Variants in CADPS2 observed in about 807,000 individuals in gnomAD.
CADPS2 encodes calcium dependent secretion activator 2, also known as calcium-dependent secretion activator 2.
In CADPS2, 93 loss-of-function variants were observed where a neutral mutation model predicts 172.5. That is an observed-to-expected ratio of 0.54 (90% CI 0.46 to 0.64). The LOEUF is 0.64. CADPS2 is among the 30% of genes least tolerant of loss of function. The pLI is 0.00. For synonymous variants in CADPS2, 546 were observed against 555.2 expected, an observed-to-expected ratio of 0.98 and a Z score of 0.23; for missense variants, 1,420 against 1,565.9, an observed-to-expected ratio of 0.91 and a Z score of 1.57.
intron 22 of CADPS2, among the ~76,000 whole-genome samples, chr7:122,391,299 C>T (rs1168957593): frequency 1.3e-5 from 2 of 151,908 alleles, no homozygotes; most frequent in Admixed American, 1.3e-4. Flanking sequence ...TACAAAGCCC[C>T]AATTTGTCAT....
chr7:122,869,483 C>A (rs1294857075), intron 1 of CADPS2, among the ~76,000 whole-genome samples: 1 of 151,898 alleles, frequency 6.6e-6, no homozygotes, highest in East Asian at 1.9e-4. Flanking sequence ...ACCCAGCAAA[C>A]CTGTCCTTCA....
At chr7:122,849,525 A>T (rs1452481377) in intron 1 of CADPS2, among the ~76,000 whole-genome samples, 2 of 152,208 alleles carry the variant, frequency 1.3e-5, no homozygotes, top group Admixed American at 1.3e-4. Context: ...TGCGGTCCCC[A>T]GCTGTCCGCA....
At chr7:122,644,007 T>C (rs541236872) in intron 3 of CADPS2, among the ~76,000 whole-genome samples, 22 of 151,862 alleles carry the variant, frequency 1.4e-4, no homozygotes, top group Non-Finnish European at 2.6e-4. Flanking sequence ...GAGGCGGAGA[T>C]TGCAGTGAGC....
chr7:122,645,391 G>GTATA (rs1435451978), intron 3 of CADPS2, among the ~76,000 whole-genome samples: 8 of 63,560 alleles, frequency 1.3e-4, no homozygotes, highest in Non-Finnish European at 2.4e-4. Context: ...GTACATGTGT[G>GTATA]TGTATATATG....
intron 7 of CADPS2, among the ~76,000 whole-genome samples, chr7:122,565,372 CAAAT>C (rs1400238861): frequency 1.3e-5 from 2 of 151,924 alleles, no homozygotes; most frequent in Non-Finnish European, 2.9e-5. Context: ...CTCAAAAAAT[CAAAT>C]AAATTCAGAA....
At chr7:122,599,664 C>G (rs191029034) in intron 6 of CADPS2, among the ~76,000 whole-genome samples, 1 of 152,004 alleles carries the variant, frequency 6.6e-6, no homozygotes, top group African/African-American at 2.4e-5. Flanking sequence ...TTTTGTCAAC[C>G]GTAGAATTTA....
chr7:122,554,615 C>G lies in CADPS2; in HGVS notation c.1410G>C (p.Gln470His), dbSNP rs1251512188. 6.2e-7 allele frequency: 1 copy of G among 1,611,806 alleles called. No individual in the cohort carries two copies. Among genetic ancestry groups the G allele is most frequent in the East Asian group, 2.2e-5 (1 of 44,678 alleles). Residue 470 changes from glutamine to histidine, a missense_variant, in exon 8 of 30, where the codon CAG becomes CAC. Gln to His is a conservative substitution (Grantham distance 24, BLOSUM62 0). Transcript: ENST00000449022. ...LHRMVVPKNSQDSDLKIKLAV... is the reference protein window; with the variant it reads ...LHRMVVPKNSHDSDLKIKLAV... Reference sequence around the variant, plus strand: ...CCAGTTTGATTTTTAAGTCAGAATCCTGGCTATTTTTTGGAACTACCATTC... The same window carrying G: ...CCAGTTTGATTTTTAAGTCAGAATCGTGGCTATTTTTTGGAACTACCATTC...
intron 1 of CADPS2, among the ~76,000 whole-genome samples, chr7:122,848,834 G>C (rs938176034): frequency 1.8e-4 from 27 of 152,100 alleles, no homozygotes; most frequent in African/African-American, 6.5e-4. Context: ...TAAGGAAGAT[G>C]GGAAAGGGAG....
At chr7:122,652,521 T>G (rs1028391887) in intron 3 of CADPS2, among the ~76,000 whole-genome samples, 1 of 152,192 alleles carries the variant, frequency 6.6e-6, no homozygotes, top group African/African-American at 2.4e-5. Context: ...TAACTGCATT[T>G]CCTTAAAATA....
intron 29 of CADPS2, among the ~76,000 whole-genome samples, chr7:122,320,685 T>C (rs969273294): frequency 1.3e-5 from 2 of 152,196 alleles, no homozygotes; most frequent in Non-Finnish European, 2.9e-5. Context: ...AAGAAATTAT[T>C]AGTTTTTTTA....
intron 3 of CADPS2, among the ~76,000 whole-genome samples, chr7:122,658,845 G>A (rs2080151896): frequency 6.6e-6 from 1 of 151,960 alleles, no homozygotes. Context: ...TAACTAACCT[G>A]CACGTTGTGC....
chr7:122,786,638 A>T (rs560091196), intron 1 of CADPS2, among the ~76,000 whole-genome samples: 3 of 152,246 alleles, frequency 2.0e-5, no homozygotes, highest in East Asian at 3.9e-4. Flanking sequence ...TTGAGATGTA[A>T]ATTTTTTTAC....
At chr7:122,511,552 C>T (rs2060003900) in intron 9 of CADPS2, among the ~76,000 whole-genome samples, 1 of 152,158 alleles carries the variant, frequency 6.6e-6, no homozygotes, top group South Asian at 2.1e-4. Context: ...TATTGGGTTA[C>T]ATTCCCACGT....
chr7:122,578,178 A>G (rs1311405779), intron 7 of CADPS2, among the ~76,000 whole-genome samples: 1 of 151,734 alleles, frequency 6.6e-6, no homozygotes, highest in African/African-American at 2.4e-5. Context: ...TACATTATGT[A>G]TACCAACAAT....
intron 3 of CADPS2, among the ~76,000 whole-genome samples, chr7:122,639,171 T>C (rs1385638669): frequency 3.9e-5 from 6 of 152,238 alleles, no homozygotes; most frequent in Non-Finnish European, 8.8e-5. Flanking sequence ...TTTTATGTAA[T>C]GTTAGAATTG....
In CADPS2 at chr7:122,777,728, GAGA is replaced by G. The variant is rs140160879; in HGVS notation, c.340-40663_340-40661del. ...CTGCACTTCTCCTTGCAGCCACCTT[GAGA>G]AGAAGAGCATGTTTGTTCCCCTTCC... On this transcript the variant is annotated intron_variant, in intron 1 of 29. Coordinates refer to ENST00000449022, the MANE Select transcript of CADPS2 (RefSeq NM_017954.11). 5.8e-3 allele frequency among the ~76,000 whole-genome samples: 889 copies of G among 152,156 alleles called. 5 individuals are homozygous for G. Among genetic ancestry groups the G allele is most frequent in the African/African-American group, 0.021 (853 of 41,496 alleles).
At chr7:122,828,424 C>T (rs1805572698) in intron 1 of CADPS2, among the ~76,000 whole-genome samples, 1 of 151,698 alleles carries the variant, frequency 6.6e-6, no homozygotes, top group Admixed American at 6.6e-5. Flanking sequence ...TTGAGATGTT[C>T]ATATTAAGTC....
chr7:122,390,965 T>C (rs1224705504), intron 22 of CADPS2, among the ~76,000 whole-genome samples: 1 of 152,052 alleles, frequency 6.6e-6, no homozygotes, highest in African/African-American at 2.4e-5. Flanking sequence ...TATATACAGA[T>C]ACATATGTCG....
At chr7:122,355,347 G>A (rs969197223) in intron 27 of CADPS2, among the ~76,000 whole-genome samples, 2 of 152,130 alleles carry the variant, frequency 1.3e-5, no homozygotes, top group Non-Finnish European at 2.9e-5. Flanking sequence ...TTGGGATGCC[G>A]AGGCAGGCGG....
Sources: allele counts gnomAD v4.1 joint callset (sites outside exome capture counted in the v4.1 genomes callset), GRCh38; gene constraint gnomAD v4.1.1; transcripts MANE v1.5; gene names NCBI Gene and HGNC (gene_info 2026-07-23, HGNC 2026-07-21).